Variants in NCOA1 observed in about 807,000 individuals in gnomAD.
The protein encoded by NCOA1 is nuclear receptor coactivator 1, also known as Hin-2 protein.
A neutral mutation model predicts 150.9 loss-of-function variants in NCOA1; 35 were observed. That is an observed-to-expected ratio of 0.23 (90% CI 0.18 to 0.31). The LOEUF (loss-of-function observed/expected upper bound fraction) is 0.31. Ranked by LOEUF, NCOA1 falls within the 10% of genes least tolerant of loss-of-function variation. The probability of loss-of-function intolerance (pLI) is 1.00; values close to 1 mark genes in which losing one functional copy is unlikely to be tolerated. For synonymous variants in NCOA1, 590 were observed against 630.0 expected (o/e 0.94, Z 0.95); for missense variants, 1,491 against 1,749.3 (o/e 0.85, Z 2.63).
intron 1 of NCOA1, among the ~76,000 whole-genome samples, chr2:24,515,647 T>C (rs916720161): frequency 6.6e-6 from 1 of 152,214 alleles, no homozygotes; most frequent in African/African-American, 2.4e-5. Flanking sequence ...GCTTGCTTAT[T>C]TGCATTATTG....
chr2:24,541,825 T>G (rs1665411191), intron 1 of NCOA1, among the ~76,000 whole-genome samples: 1 of 152,196 alleles, frequency 6.6e-6, no homozygotes, highest in Non-Finnish European at 1.5e-5. Context: ...AGATATAATT[T>G]GAGTTTTCAT....
chr2:24,583,772 T>TAA (rs375411502), intron 2 of NCOA1, among the ~76,000 whole-genome samples: 1 of 152,240 alleles, frequency 6.6e-6, no homozygotes, highest in African/African-American at 2.4e-5. Context: ...GACTGTATAT[T>TAA]AAGTTAAATA....
At position 24,697,699 on chromosome 2, in the gene NCOA1, G is replaced by A; in HGVS notation, c.850G>A (p.Gly284Ser). ...TGATACTAGTTCCCTGAGAGCTGCT[G>A]GCAGAACTGGTTGGGAAGATTTAGT... ...SIDTSSLRAA[G>S]RTGWEDLVRK... is the part of the protein sequence containing the mutation. The change falls in exon 11 of 23, where the codon GGC (glycine) becomes AGC (serine). Residue 284 changes from glycine to serine, a missense_variant. Physicochemically the swap from Gly to Ser is moderately conservative, Grantham distance 56. This residue lies in a region of NCOA1 where 25 missense variants were observed against 66.1 expected (regional missense o/e 0.38). Transcript: ENST00000348332. 5.6e-6 allele frequency: 9 copies of A among 1,613,184 alleles called. No homozygotes were observed. Among genetic ancestry groups the A allele is most frequent in the Non-Finnish European group, 7.6e-6 (9 of 1,179,184 alleles).
At chr2:24,694,300 GACA>G (rs1435519304) in intron 10 of NCOA1, among the ~76,000 whole-genome samples, 1 of 152,032 alleles carries the variant, frequency 6.6e-6, no homozygotes, top group Admixed American at 6.6e-5. Context: ...ATGCTTTTAC[GACA>G]ACCAGAGTTA....
At chr2:24,630,511 ACTTT>A (rs1029603991) in intron 3 of NCOA1, among the ~76,000 whole-genome samples, 6 of 152,170 alleles carry the variant, frequency 3.9e-5, no homozygotes, top group Non-Finnish European at 7.4e-5. Flanking sequence ...TATCCAAGAA[ACTTT>A]CTCTGAGGCG....
Position 24,728,571 on chromosome 2 carries a change from T to C in NCOA1, c.2886+95T>C, listed in dbSNP as rs1006113834. 13 of 1,028,040 alleles carry C rather than the reference T, an allele frequency of 1.3e-5. No homozygotes were observed. The African/African-American group carries it at 2.2e-4, about 17-fold the overall frequency. 63.7% of individuals were successfully genotyped at this position (1,028,040 alleles called of 1,614,324 possible). On this transcript the variant is annotated intron_variant, in intron 16 of 22. Transcript: ENST00000348332. ...TTTTAAAGTATTGTACCCACTATGC[T>C]TTAGCTGTTTTATAATTTACCTCTT...
intron 4 of NCOA1, among the ~76,000 whole-genome samples, chr2:24,646,142 A>G (rs985178763): frequency 3.3e-5 from 5 of 152,172 alleles, no homozygotes; most frequent in African/African-American, 1.2e-4. Context: ...TCTTCTTAAC[A>G]TTAAAAACAA....
intron 3 of NCOA1, among the ~76,000 whole-genome samples, chr2:24,620,832 A>G (rs1669114072): frequency 6.6e-6 from 1 of 152,218 alleles, no homozygotes; most frequent in South Asian, 2.1e-4. Flanking sequence ...TAGCTTATAT[A>G]TAAAGAATGT....
At chr2:24,677,365 CA>C (rs200487873) in intron 7 of NCOA1, among the ~76,000 whole-genome samples, 1 of 151,460 alleles carries the variant, frequency 6.6e-6, no homozygotes, top group Non-Finnish European at 1.5e-5. Context: ...AACAAACAAA[CA>C]AAAAAAACAA....
chr2:24,512,087 T>C lies in NCOA1; in HGVS notation c.-396+20485T>C, dbSNP rs575359920. On this transcript the variant is annotated intron_variant, in intron 1 of 22. Coordinates refer to ENST00000348332, the MANE Select transcript of NCOA1 (RefSeq NM_003743.5). ...GAAACTGTACTAACTTTTGCACTTA[T>C]CGTAGAATGTGAAAGTTAGGAGGAT... Among the ~76,000 whole-genome samples the C allele has an allele frequency of 1.4e-3, 215 of 152,318 alleles. 2 individuals carry two copies. Among genetic ancestry groups the C allele is most frequent in the Non-Finnish European group, 4.9e-4 (33 of 68,020 alleles).
At chr2:24,616,803 T>C (rs544064764) in intron 3 of NCOA1, among the ~76,000 whole-genome samples, 27 of 152,250 alleles carry the variant, frequency 1.8e-4, no homozygotes, top group African/African-American at 6.3e-4. Context: ...TTGGAAACAT[T>C]GGAAAACAGT....
intron 11 of NCOA1, among the ~76,000 whole-genome samples, chr2:24,704,596 G>A (rs897715660): frequency 6.6e-6 from 1 of 152,220 alleles, no homozygotes; most frequent in Admixed American, 6.5e-5. Flanking sequence ...GACCAACATG[G>A]TGAAACCCTG....
At chr2:24,706,384 T>C (rs2148592879) in intron 12 of NCOA1, among the ~76,000 whole-genome samples, 184 bp from the exon 13 acceptor site, 1 of 152,220 alleles carries the variant, frequency 6.6e-6, no homozygotes, top group South Asian at 2.1e-4. Context: ...GGTGCTAATA[T>C]TTTACAGTAG....
At chr2:24,543,444 T>G (rs1665481716) in intron 1 of NCOA1, among the ~76,000 whole-genome samples, 1 of 152,050 alleles carries the variant, frequency 6.6e-6, no homozygotes, top group South Asian at 2.1e-4. Flanking sequence ...GGGATCAAGT[T>G]TTAAGATGAG....
In NCOA1 at chr2:24,726,513, A is replaced by G. The variant is rs1015540607; in HGVS notation, c.2600-76A>G. On this transcript the variant is annotated intron_variant, in intron 14 of 22. Coordinates refer to ENST00000348332, the MANE Select transcript of NCOA1 (RefSeq NM_003743.5). ...TTTAAAGGAGAAATCTCACTCTCCA[A>G]TATATTATTTTTGAAAATACCATCA... The G allele has an allele frequency of 3.5e-5, 29 of 837,800 alleles. No homozygotes were observed. In the African/African-American group the frequency reaches 4.9e-4, roughly 14 times the overall value. The allele number at this position is 837,800 out of a possible 1,614,324, so 51.9% of individuals were successfully genotyped here.
rs1171129285 is a variant in NCOA1 at position 24,652,231 on chromosome 2, T to C, written c.-17-6430T>C. Among the ~76,000 whole-genome samples the C allele has an allele frequency of 3.3e-5, 5 of 152,060 alleles. No homozygotes were observed. The East Asian group carries it at 9.6e-4, about 29-fold the overall frequency. On this transcript the variant is annotated intron_variant, in intron 4 of 22. Transcript: ENST00000348332. Reference sequence around the variant, plus strand: ...GGCAGTGAAAATCCTGAAGTCCCTATCCTTCCTTACCACATGAGAAAGATT... The same window carrying C: ...GGCAGTGAAAATCCTGAAGTCCCTACCCTTCCTTACCACATGAGAAAGATT...
rs1491126634 is a variant in NCOA1 at position 24,552,354 on chromosome 2, T to TATATATATATA, written c.-395-11941_-395-11940insATATATATATA. ...ATATATATATATATATATATATATA[T>TATATATATATA]TTTTTTTTTTTTTTTTTTTTTTTTT... On this transcript the variant is annotated intron_variant, in intron 1 of 22. Transcript: ENST00000348332. Among the ~76,000 whole-genome samples, 23 of 34,366 alleles carry TATATATATATA rather than the reference T, an allele frequency of 6.7e-4. 1 individual carries two copies. Among genetic ancestry groups the TATATATATATA allele is most frequent in the African/African-American group, 9.0e-4 (6 of 6,632 alleles). The allele number at this position is 34,366 out of a possible 152,430, so 22.5% of individuals were successfully genotyped here.
intron 1 of NCOA1, among the ~76,000 whole-genome samples, chr2:24,555,592 T>A (rs1666038478): frequency 6.6e-6 from 1 of 152,248 alleles, no homozygotes. Flanking sequence ...CCTATTTCTC[T>A]TTACAGTCCT....
chr2:24,667,103 T>G (rs1397796451), intron 6 of NCOA1, among the ~76,000 whole-genome samples: 1 of 152,172 alleles, frequency 6.6e-6, no homozygotes, highest in African/African-American at 2.4e-5. Flanking sequence ...GAACTTCAGA[T>G]TATTAGCATT....
Sources: allele counts gnomAD v4.1 joint callset (sites outside exome capture counted in the v4.1 genomes callset), GRCh38; gene constraint gnomAD v4.1.1; regional missense constraint gnomAD v4.1.1; transcripts MANE v1.5; gene names NCBI Gene and HGNC (gene_info 2026-07-23, HGNC 2026-07-21).